CDH4: variants seen among roughly 807,000 people sequenced by gnomAD.
The protein encoded by CDH4 is cadherin-4.
A neutral mutation model predicts 86.0 loss-of-function variants in CDH4; 33 were observed. The observed-to-expected ratio is 0.38, with a 90% CI of 0.29 to 0.51. The LOEUF (loss-of-function observed/expected upper bound fraction) is 0.51. Among genes scored for constraint, CDH4 ranks in the 20% least tolerant of loss-of-function variants. The pLI, the probability that CDH4 is intolerant of heterozygous loss-of-function variation, is 0.86. For synonymous variants in CDH4, 555 were observed against 549.4 expected (o/e 1.01, Z -0.14); for missense variants, 1,114 against 1,307.4 (o/e 0.85, Z 2.28).
At chr20:61,363,220 C>T (rs2084793836) in intron 2 of CDH4, among the ~76,000 whole-genome samples, 1 of 152,130 alleles carries the variant, frequency 6.6e-6, no homozygotes, top group South Asian at 2.1e-4. Context: ...ATCCTCCCAT[C>T]CGTTTGTTCT....
intron 15 of CDH4, 98 bp downstream of exon 15, chr20:61,934,318 GC>G: frequency 7.5e-7 from 1 of 1,329,664 alleles, no homozygotes; most frequent in Non-Finnish European, 1.0e-6. Flanking sequence ...AGTGCCGGCG[GC>G]TGCCGTGGGT....
At position 61,894,969 on chromosome 20, in the gene CDH4, T is replaced by C; in HGVS notation, c.1110T>C (p.Tyr370=). Residue 370 remains tyrosine, a synonymous_variant, in exon 8 of 16, where the codon TAT becomes TAC. Coordinates refer to ENST00000614565, the MANE Select transcript of CDH4 (RefSeq NM_001794.5). The part of the protein sequence containing the change: ...QATDMEGNLN[Y]GLSNTATAII... ...CAGATATGGAAGGAAATCTCAACTA[T>C]GGCCTCTCAAACACAGCCACAGCCA... is the stretch of plus-strand genomic sequence containing the variant. 1.2e-6 allele frequency: 2 copies of C among 1,613,982 alleles called. No individual in the cohort carries two copies. Among genetic ancestry groups the C allele is most frequent in the Non-Finnish European group, 1.7e-6 (2 of 1,180,012 alleles).
intron 2 of CDH4, among the ~76,000 whole-genome samples, chr20:61,288,273 T>C: frequency 6.6e-6 from 1 of 152,204 alleles, no homozygotes; most frequent in East Asian, 1.9e-4. Flanking sequence ...TTTCTCAATC[T>C]TCTGGATAGG....
At chr20:61,384,904 C>T (rs931252710) in intron 2 of CDH4, among the ~76,000 whole-genome samples, 1 of 152,126 alleles carries the variant, frequency 6.6e-6, no homozygotes, top group Non-Finnish European at 1.5e-5. Context: ...AGTTCTGATT[C>T]TATTGTCTGA....
chr20:61,532,585 G>A (rs547598941), intron 2 of CDH4, among the ~76,000 whole-genome samples: 1 of 152,294 alleles, frequency 6.6e-6, no homozygotes, highest in African/African-American at 2.4e-5. Flanking sequence ...AAACACACAA[G>A]CAATGCAAGC....
At chr20:61,414,776 A>G (rs771885278) in intron 2 of CDH4, among the ~76,000 whole-genome samples, 1 of 152,188 alleles carries the variant, frequency 6.6e-6, no homozygotes, top group African/African-American at 2.4e-5. Flanking sequence ...GGGAGAGGAC[A>G]TTGTCTGAAG....
chr20:61,425,491 C>G (rs975383711), intron 2 of CDH4, among the ~76,000 whole-genome samples: 3 of 152,186 alleles, frequency 2.0e-5, no homozygotes, highest in Non-Finnish European at 4.4e-5. Context: ...AGCCTGGACC[C>G]CTGAGCAGGA....
At chr20:61,528,410 G>A (rs899239639) in intron 2 of CDH4, among the ~76,000 whole-genome samples, 3 of 123,632 alleles carry the variant, frequency 2.4e-5, no homozygotes, top group Non-Finnish European at 3.4e-5. Flanking sequence ...GGGAGGGGAG[G>A]GGGGTGGAGG....
chr20:61,722,195 T>G lies in CDH4; in HGVS notation c.170-21368T>G, dbSNP rs2088050325. Among the ~76,000 whole-genome samples, 3 of 70,686 alleles carry G rather than the reference T, an allele frequency of 4.2e-5. No individual in the cohort carries two copies. The South Asian group carries it at 1.9e-3, about 45-fold the overall frequency. The allele number at this position is 70,686 out of a possible 152,430, so 46.4% of individuals were successfully genotyped here. ...TTTAGATGCAGGACCTGCTTTGGGG[T>G]TTTTTTTCTTTGTAAGTGACATTGT... On this transcript the variant is annotated intron_variant, in intron 2 of 15. Coordinates refer to ENST00000614565, the MANE Select transcript of CDH4 (RefSeq NM_001794.5).
intron 2 of CDH4, among the ~76,000 whole-genome samples, chr20:61,614,510 A>C (rs564940428): frequency 2.0e-5 from 3 of 152,226 alleles, no homozygotes; most frequent in African/African-American, 7.2e-5. Context: ...TCAGAAGCAC[A>C]GGTGGCCGGT....
chr20:61,329,044 C>T (rs1235375631), intron 2 of CDH4, among the ~76,000 whole-genome samples: 8 of 152,172 alleles, frequency 5.3e-5, no homozygotes, highest in Admixed American at 4.6e-4. Flanking sequence ...AACACAAAGC[C>T]GATTTGATAG....
In CDH4 at chr20:61,902,762, G is replaced by A. The variant is rs961240300; in HGVS notation, c.1189-7660G>A. ...ATAGCAAAGAGGCTACATAGGTGTC[G>A]TTTTGGGAATATTTGAAGGAGGAAG... is the stretch of plus-strand genomic sequence containing the variant. On this transcript the variant is annotated intron_variant, in intron 8 of 15. Transcript: ENST00000614565. This position sits in a 1 kb window ranked among gnomAD's most constrained non-coding sequence, Gnocchi z 4.6. Among the ~76,000 whole-genome samples, 3 of 152,186 alleles carry A rather than the reference G, an allele frequency of 2.0e-5. No individual in the cohort carries two copies. Among genetic ancestry groups the A allele is most frequent in the East Asian group, 1.9e-4 (1 of 5,194 alleles).
chr20:61,511,880 A>G (rs1271051598), intron 2 of CDH4, among the ~76,000 whole-genome samples: 1 of 152,160 alleles, frequency 6.6e-6, no homozygotes, highest in Non-Finnish European at 1.5e-5. Flanking sequence ...TTCCATGGGT[A>G]TACTGTAGAA....
intron 2 of CDH4, among the ~76,000 whole-genome samples, chr20:61,332,687 C>T (rs2084589271): frequency 6.6e-6 from 1 of 152,224 alleles, no homozygotes; most frequent in Admixed American, 6.5e-5. Flanking sequence ...GGCTGGCTGC[C>T]CTCCTCCCTG....
At chr20:61,845,017 C>T (rs1982372459) in intron 5 of CDH4, among the ~76,000 whole-genome samples, 194 bp downstream of exon 5, 1 of 152,260 alleles carries the variant, frequency 6.6e-6, no homozygotes, top group South Asian at 2.1e-4. Flanking sequence ...TCTAATTCAG[C>T]AGGGTGGGCC....
At chr20:61,920,556 CATG>C (rs2054966143) in intron 9 of CDH4, among the ~76,000 whole-genome samples, 1 of 145,046 alleles carries the variant, frequency 6.9e-6, no homozygotes, top group Admixed American at 6.9e-5. Context: ...AGCACCGTGT[CATG>C]GTGATTGTGT....
At chr20:61,886,945 C>G (rs1467806872) in intron 7 of CDH4, among the ~76,000 whole-genome samples, 2 of 152,090 alleles carry the variant, frequency 1.3e-5, no homozygotes, top group Non-Finnish European at 2.9e-5. Context: ...CACTTGAGGG[C>G]AAAGGGAGCA....
At chr20:61,314,814 T>C (rs1316022854) in intron 2 of CDH4, among the ~76,000 whole-genome samples, 1 of 152,244 alleles carries the variant, frequency 6.6e-6, no homozygotes, top group Non-Finnish European at 1.5e-5. Flanking sequence ...GTTTTGACAG[T>C]AGCCGTCCTA....
At position 61,807,077 on chromosome 20, in the gene CDH4, C is replaced by T. The variant is rs1037851074; in HGVS notation, c.576+33895C>T. On this transcript the variant is annotated intron_variant, in intron 4 of 15. Transcript: ENST00000614565. This position sits in a 1 kb window ranked among gnomAD's most constrained non-coding sequence, Gnocchi z 4.5. ...ACAGGAGATGATTTTGAAAATGTCT[C>T]GCTCATCCCCTGATCTATGAGCTCC... 1.3e-5 allele frequency among the ~76,000 whole-genome samples: 2 copies of T among 152,194 alleles called. No homozygotes were observed. Among genetic ancestry groups the T allele is most frequent in the African/African-American group, 2.4e-5 (1 of 41,444 alleles).
Sources: allele counts gnomAD v4.1 joint callset (sites outside exome capture counted in the v4.1 genomes callset), GRCh38; gene constraint gnomAD v4.1.1; non-coding constraint Gnocchi (gnomAD v3.1); transcripts MANE v1.5; gene names NCBI Gene and HGNC (gene_info 2026-07-23, HGNC 2026-07-21).